ZKSCAN7: variants seen among roughly 807,000 people sequenced by gnomAD.
The protein encoded by ZKSCAN7 is zinc finger protein with KRAB and SCAN domains 7.
In ZKSCAN7, 38 loss-of-function variants were observed where a neutral mutation model predicts 65.3. The observed-to-expected ratio is 0.58, with a 90% CI of 0.45 to 0.76. ZKSCAN7 has a LOEUF of 0.76. ZKSCAN7 is among the 30% of genes least tolerant of loss of function. The pLI is 0.00. For missense variants in ZKSCAN7, 815 were observed against 913.3 expected (o/e 0.89, Z 1.39); for synonymous variants, 321 against 321.0 (o/e 1.00, Z 0.00).
At chr3:44,579,279 C>G (rs1489894193) in intron 5 of ZKSCAN7, among the ~76,000 whole-genome samples, 1 of 152,254 alleles carries the variant, frequency 6.6e-6, no homozygotes, top group Admixed American at 6.5e-5. Flanking sequence ...CGCCTCCGTG[C>G]ACGCTCCCGC....
At position 44,570,508 on chromosome 3, in the gene ZKSCAN7, C is replaced by T. The variant is rs746128134; in HGVS notation, c.1398C>T (p.Pro466=). 1.2e-5 allele frequency: 20 copies of T among 1,614,160 alleles called. No homozygotes were observed. Among genetic ancestry groups the T allele is most frequent in the South Asian group, 4.4e-5 (4 of 91,068 alleles). ...QHQRLHNGEK[P]YKCNECAKAF... is the part of the protein sequence containing the mutation. ...AGAGACTCCATAATGGGGAGAAACC[C>T]TATAAATGTAATGAATGTGCAAAAG... Residue 466 remains proline, a synonymous_variant, in exon 6 of 6, where the codon CCC becomes CCT. Coordinates refer to ENST00000426540, the MANE Select transcript of ZKSCAN7 (RefSeq NM_001288590.2).
chr3:44,580,055 T>C (rs1339444484), intron 5 of ZKSCAN7: 2 of 1,587,758 alleles, frequency 1.3e-6, no homozygotes, highest in African/African-American at 2.7e-5. Flanking sequence ...TGTCACTGGA[T>C]GGCGAGGGCC....
chr3:44,556,152 C>T (rs551761442), intron 1 of ZKSCAN7, among the ~76,000 whole-genome samples: 14 of 152,254 alleles, frequency 9.2e-5, no homozygotes, highest in African/African-American at 3.1e-4. Flanking sequence ...AAAAAAAGGT[C>T]TAGTATTTTC....
At chr3:44,569,264 G>C (rs1699723010) in intron 5 of ZKSCAN7, among the ~76,000 whole-genome samples, 2 of 152,228 alleles carry the variant, frequency 1.3e-5, no homozygotes, top group African/African-American at 4.8e-5. Context: ...CACCAAGCAT[G>C]GTTGCCTAAG....
intron 5 of ZKSCAN7, chr3:44,578,085 G>A: frequency 6.3e-7 from 1 of 1,582,814 alleles, no homozygotes; most frequent in South Asian, 1.1e-5. Flanking sequence ...ATCATATCCG[G>A]ACACCATGGC....
intron 5 of ZKSCAN7, among the ~76,000 whole-genome samples, chr3:44,582,270 G>A (rs529187859): frequency 4.6e-5 from 7 of 152,300 alleles, no homozygotes; most frequent in African/African-American, 1.4e-4. Context: ...TGCCAAGTAG[G>A]GTGAGATGCA....
At chr3:44,580,327 G>A (rs916366192) in intron 5 of ZKSCAN7, 87 of 1,612,884 alleles carry the variant, frequency 5.4e-5, no homozygotes, top group Middle Eastern at 5.0e-4. Flanking sequence ...CCAGGTTCCC[G>A]CAGGGAGCTG....
chr3:44,560,408 T>C (rs1472037425), intron 2 of ZKSCAN7, among the ~76,000 whole-genome samples: 9 of 152,096 alleles, frequency 5.9e-5, no homozygotes, highest in Non-Finnish European at 4.4e-5. Context: ...AGAAGGAGCA[T>C]GTACATGTGT....
At chr3:44,580,775 G>A (rs893747567) in intron 5 of ZKSCAN7, 9 of 1,612,774 alleles carry the variant, frequency 5.6e-6, no homozygotes, top group Non-Finnish European at 7.6e-6. Flanking sequence ...CATCCAGGGC[G>A]TAGCGCAAGA....
At chr3:44,566,496 T>C (rs1414979820) in intron 3 of ZKSCAN7, among the ~76,000 whole-genome samples, 1 of 152,078 alleles carries the variant, frequency 6.6e-6, no homozygotes, top group African/African-American at 2.4e-5. Flanking sequence ...AATATTATCA[T>C]GGAAACATCC....
intron 2 of ZKSCAN7, among the ~76,000 whole-genome samples, chr3:44,563,884 A>G (rs1699554716): frequency 6.6e-6 from 1 of 152,214 alleles, no homozygotes; most frequent in African/African-American, 2.4e-5. Context: ...CTTCCATTTT[A>G]GAGAGTCTTT....
intron 2 of ZKSCAN7, among the ~76,000 whole-genome samples, chr3:44,562,162 C>G (rs934999738): frequency 6.6e-6 from 1 of 152,262 alleles, no homozygotes; most frequent in Non-Finnish European, 1.5e-5. Context: ...CAAACCTCAA[C>G]TCTTGCCTTC....
At position 44,570,029 on chromosome 3, in the gene ZKSCAN7, G is replaced by A; in HGVS notation, c.919G>A (p.Gly307Arg). 1.2e-6 allele frequency: 2 copies of A among 1,613,700 alleles called. No homozygotes were observed. The highest frequency in any genetic ancestry group is 1.7e-6 in the Non-Finnish European group (2 of 1,179,916). ...TSGGLFGVVP[G>R]AAETGDVCED... Reference sequence around the variant, plus strand: ...AGGGGGACTCTTTGGGGTGGTTCCTGGGGCAGCAGAGACTGGAGATGTTTG... The same window carrying A: ...AGGGGGACTCTTTGGGGTGGTTCCTAGGGCAGCAGAGACTGGAGATGTTTG... Residue 307 changes from glycine to arginine, a missense_variant, in exon 6 of 6, where the codon GGG becomes AGG. By Grantham distance (125) the Gly-to-Arg change is moderately radical (BLOSUM62 -2). Around this residue, in one of 3 missense-constraint regions of ZKSCAN7, gnomAD observed 578 missense variants for 629.5 expected, o/e 0.92. Coordinates refer to ENST00000426540, the MANE Select transcript of ZKSCAN7 (RefSeq NM_001288590.2).
Position 44,570,999 on chromosome 3 carries a change from C to A in ZKSCAN7, c.1889C>A (p.Thr630Lys), listed in dbSNP as rs373307729. 1.2e-6 allele frequency: 2 copies of A among 1,614,192 alleles called. No homozygotes were observed. Among genetic ancestry groups the A allele is most frequent in the Non-Finnish European group, 8.5e-7 (1 of 1,180,050 alleles). ...KCLIRHQRLH[T>K]GEKPYKCNEC... Reference sequence around the variant, plus strand: ...CTTATTCGGCACCAGAGACTTCACACGGGTGAAAAGCCCTATAAATGCAAT... The same window carrying A: ...CTTATTCGGCACCAGAGACTTCACAAGGGTGAAAAGCCCTATAAATGCAAT... The change falls in exon 6 of 6, where the codon ACG becomes AAG. Residue 630 changes from threonine (T) to lysine (K), a missense_variant. This residue lies in a region of ZKSCAN7 where 578 missense variants were observed against 629.5 expected (regional missense o/e 0.92). Coordinates refer to ENST00000426540, the MANE Select transcript of ZKSCAN7 (RefSeq NM_001288590.2).
intron 1 of ZKSCAN7, 75 bp downstream of exon 1, chr3:44,555,556 T>C (rs1194628229): frequency 6.6e-6 from 1 of 152,240 alleles, no homozygotes; most frequent in Admixed American, 6.5e-5. Context: ...AGTAGGAAAC[T>C]GTATGAACTG....
At chr3:44,557,790 G>T (rs1298587681) in intron 2 of ZKSCAN7, among the ~76,000 whole-genome samples, 1 of 152,116 alleles carries the variant, frequency 6.6e-6, no homozygotes, top group East Asian at 1.9e-4. Flanking sequence ...GGGCCTTTGG[G>T]TATGCTGATA....
chr3:44,576,093 T>C (rs1699917753), downstream of ZKSCAN7, among the ~76,000 whole-genome samples: 1 of 152,222 alleles, frequency 6.6e-6, no homozygotes, highest in Admixed American at 6.5e-5. Context: ...AGTAGCATCC[T>C]TGCAGTTTTT....
chr3:44,574,657 CGGT>C (rs1463109252), downstream of ZKSCAN7, among the ~76,000 whole-genome samples: 1 of 152,106 alleles, frequency 6.6e-6, no homozygotes, highest in Non-Finnish European at 1.5e-5. Flanking sequence ...GGGGTGGACA[CGGT>C]GGCATGTGCC....
At chr3:44,567,195 A>AGAGG (rs943781675) in intron 3 of ZKSCAN7, among the ~76,000 whole-genome samples, 1 of 151,506 alleles carries the variant, frequency 6.6e-6, no homozygotes, top group African/African-American at 2.4e-5. Flanking sequence ...GAAAAGAAAG[A>AGAGG]GAGGGAGGGA....
Sources: gnomAD v4.1 joint callset for allele counts (sites outside exome capture counted in the v4.1 genomes callset) on GRCh38, gnomAD v4.1.1 for gene constraint, gnomAD v4.1.1 regional missense constraint, MANE v1.5 for transcripts, NCBI Gene and HGNC (gene_info 2026-07-23, HGNC 2026-07-21) for gene names.